TEX11: variants seen among roughly 807,000 people sequenced by gnomAD.
The protein encoded by TEX11 is testis-expressed protein 11.
TEX11 carries 7 observed loss-of-function variants against 84.4 expected under a neutral mutation model. The observed-to-expected ratio is 0.08, with a 90% CI of 0.05 to 0.16. TEX11 has a LOEUF of 0.16. Among genes scored for constraint, TEX11 ranks in the 10% least tolerant of loss-of-function variants. The pLI is 1.00. For synonymous variants in TEX11, 264 were observed against 222.8 expected (o/e 1.18, Z -1.64); for missense variants, 551 against 660.5 (o/e 0.83, Z 1.82).
intron 9 of TEX11, among the ~76,000 whole-genome samples, chrX:70,805,948 C>T (rs772346228): frequency 9.0e-6 from 1 of 111,422 alleles, no homozygotes; most frequent in African/African-American, 3.3e-5. Context: ...CAGCATACAG[C>T]GTTAAATATA....
intron 15 of TEX11, among the ~76,000 whole-genome samples, chrX:70,677,824 T>A (rs1487180442): frequency 3.2e-5 from 3 of 93,958 alleles, no homozygotes; most frequent in African/African-American, 1.2e-4. Flanking sequence ...TTTTTTTTTT[T>A]TTTTTTTTGA....
At chrX:70,546,369 C>T (rs1394644344) in intron 28 of TEX11, among the ~76,000 whole-genome samples, 11 of 111,282 alleles carry the variant, frequency 9.9e-5, no homozygotes, top group African/African-American at 3.6e-4. Context: ...AAAACACTAC[C>T]CACAAAAGAA....
intron 24 of TEX11, among the ~76,000 whole-genome samples, chrX:70,601,929 T>C (rs1018996862): frequency 9.0e-6 from 1 of 110,936 alleles, no homozygotes; most frequent in Non-Finnish European, 1.9e-5. Context: ...GTCTCCCATG[T>C]CCACTTCTAT....
chrX:70,781,415 A>G (rs2091038356), intron 9 of TEX11, among the ~76,000 whole-genome samples: 1 of 111,953 alleles, frequency 8.9e-6, no homozygotes, highest in Non-Finnish European at 1.9e-5. Flanking sequence ...TTCTCCTCCA[A>G]AGGATCACAG....
At chrX:70,696,955 T>A (rs750244298) in intron 13 of TEX11, among the ~76,000 whole-genome samples, 36 of 111,605 alleles carry the variant, frequency 3.2e-4, no homozygotes, top group African/African-American at 1.1e-3. Context: ...TCATTCAGGC[T>A]ATTGACGAAA....
chrX:70,535,688 C>T (rs1232610653), intron 28 of TEX11, among the ~76,000 whole-genome samples: 2 of 110,187 alleles, frequency 1.8e-5, no homozygotes, highest in Non-Finnish European at 1.9e-5. Flanking sequence ...GTCAAGGCTA[C>T]AGTGAACCAT....
chrX:70,881,005 CA>C (rs11284342), intron 2 of TEX11, among the ~76,000 whole-genome samples: 2,148 of 46,003 alleles, frequency 0.047, 32 homozygotes, highest in African/African-American at 0.17. Flanking sequence ...AGACATCATC[CA>C]AAAAAAAAAA....
At chrX:70,728,214 C>G (rs2090614295) in intron 11 of TEX11, among the ~76,000 whole-genome samples, 1 of 112,621 alleles carries the variant, frequency 8.9e-6, no homozygotes, top group Non-Finnish European at 1.9e-5. Context: ...GGAACAGCTC[C>G]AGTCTACAGC....
chrX:70,763,579 A>G (rs1227310978), intron 9 of TEX11, among the ~76,000 whole-genome samples: 2 of 107,206 alleles, frequency 1.9e-5, no homozygotes, highest in South Asian at 4.0e-4. Flanking sequence ...TACCTGTTCG[A>G]AAAAAAAAAC....
At chrX:70,740,902 C>G in intron 10 of TEX11, 106 bp from the exon 11 acceptor site, 1 of 456,512 alleles carries the variant, frequency 2.2e-6, no homozygotes. Flanking sequence ...AAACATAAGT[C>G]ATCTTTATGA....
chrX:70,589,132 C>T lies in TEX11; in HGVS notation c.2140+2619G>A, dbSNP rs6625635. 7.1e-3 allele frequency among the ~76,000 whole-genome samples: 777 copies of T among 109,874 alleles called. 5 individuals carry two copies. The highest frequency in any genetic ancestry group is 0.024 in the African/African-American group (739 of 30,303). On this transcript the variant is annotated intron_variant, in intron 25 of 29. Coordinates refer to ENST00000374333, the MANE Select transcript of TEX11 (RefSeq NM_031276.3). ...GTACAACTGTACACTTAAAAATGGT[C>T]AAAATAGCATATTTTATGTTATATA...
downstream of TEX11, among the ~76,000 whole-genome samples, chrX:70,524,558 TTTG>T (rs769977419): frequency 2.7e-5 from 3 of 112,274 alleles, no homozygotes; most frequent in Admixed American, 9.5e-5. Context: ...AGATGGTTTT[TTTG>T]TTGTTGTTGT....
At chrX:70,693,231 A>C (rs1603223956) in intron 13 of TEX11, among the ~76,000 whole-genome samples, 2 of 110,868 alleles carry the variant, frequency 1.8e-5, no homozygotes, top group Admixed American at 1.9e-4. Context: ...ACAAGAGCAA[A>C]ACTCCATCTC....
the TEX11 span, among the ~76,000 whole-genome samples, chrX:70,513,724 G>A: frequency 9.3e-6 from 1 of 107,905 alleles, no homozygotes; most frequent in African/African-American, 3.4e-5. Context: ...ATACTGGATT[G>A]CTGGGCTCTT....
chrX:70,821,367 G>T (rs1484644828), intron 8 of TEX11, among the ~76,000 whole-genome samples: 1 of 111,704 alleles, frequency 9.0e-6, no homozygotes, highest in Non-Finnish European at 1.9e-5. Flanking sequence ...TTGGGGGAGA[G>T]GCCTGGTGGG....
intron 17 of TEX11, among the ~76,000 whole-genome samples, chrX:70,632,119 C>A (rs1254993180): frequency 3.1e-5 from 2 of 64,749 alleles, no homozygotes; most frequent in Non-Finnish European, 3.2e-5. Flanking sequence ...AAAGGAAAAC[C>A]TGAAAAAAAA....
chrX:70,612,547 G>A (rs1032080761), intron 20 of TEX11, among the ~76,000 whole-genome samples: 3 of 93,664 alleles, frequency 3.2e-5, no homozygotes, highest in Non-Finnish European at 2.1e-5. Context: ...CCTTTGATGG[G>A]CTTATTAGTA....
intron 3 of TEX11, among the ~76,000 whole-genome samples, chrX:70,879,211 C>A (rs1466259646): frequency 9.0e-6 from 1 of 110,950 alleles, no homozygotes; most frequent in Non-Finnish European, 1.9e-5. Context: ...AATTAACTAA[C>A]TGTGGTGATA....
intron 2 of TEX11, among the ~76,000 whole-genome samples, chrX:70,906,147 C>A (rs1350450798): frequency 2.0e-4 from 8 of 40,987 alleles, no homozygotes; most frequent in Admixed American, 3.4e-4. Context: ...CAATGCTGAG[C>A]AAAAAAAGGA....
Sources: gnomAD v4.1 joint callset for allele counts (sites outside exome capture counted in the v4.1 genomes callset) on GRCh38, gnomAD v4.1.1 for gene constraint, MANE v1.5 for transcripts, NCBI Gene and HGNC (gene_info 2026-07-23, HGNC 2026-07-21) for gene names.